The following PAH variants were observed in gnomAD, a reference collection of about 807,000 sequenced individuals.
PAH encodes the protein phenylalanine-4-hydroxylase.
Under a neutral mutation model 62.0 loss-of-function variants are expected in PAH, and 64 were observed. The observed-to-expected ratio is 1.03, with a 90% CI of 0.84 to 1.27. PAH has a LOEUF of 1.27. Among genes scored for constraint, PAH ranks in the 50% most tolerant of loss-of-function variants. The pLI, the probability that PAH is intolerant of heterozygous loss-of-function variation, is 0.00. For missense variants in PAH, 579 were observed against 542.8 expected (o/e 1.07, Z -0.66); for synonymous variants, 195 against 196.2 (o/e 0.99, Z 0.05).
chr12:102,942,175 G>T (rs1250584791), intron 1 of PAH, among the ~76,000 whole-genome samples: 1 of 152,062 alleles, frequency 6.6e-6, no homozygotes, highest in East Asian at 1.9e-4. Context: ...AAACCCCATT[G>T]TGTCTGCTCT....
chr12:102,954,395 A>AG (rs1181804571), upstream of PAH, among the ~76,000 whole-genome samples: 4 of 152,202 alleles, frequency 2.6e-5, no homozygotes, highest in Non-Finnish European at 4.4e-5. Flanking sequence ...CTCCTGCCAC[A>AG]CACCCTTTCC....
intron 1 of PAH, among the ~76,000 whole-genome samples, chr12:102,947,426 T>G (rs1046519867): frequency 6.6e-6 from 1 of 152,208 alleles, no homozygotes; most frequent in African/African-American, 2.4e-5. Flanking sequence ...GTAGCAATGT[T>G]GGTCACACCA....
chr12:102,838,779 C>T lies in PAH; in HGVS notation c.*396G>A. On this transcript the variant is annotated 3_prime_UTR_variant, in exon 13 of 13. Transcript: ENST00000553106. ...ACGATTTATATTAAGCCCAATAATT[C>T]AATTCTAATGACAGTCTTGTGTTTT... is the stretch of plus-strand genomic sequence containing the variant. 1 of 180,120 alleles carries T rather than the reference C, an allele frequency of 5.6e-6. No individual in the cohort carries two copies. Among genetic ancestry groups the T allele is most frequent in the Non-Finnish European group, 1.2e-5 (1 of 85,332 alleles). 11.2% of individuals were successfully genotyped at this position (180,120 alleles called of 1,614,324 possible).
chr12:102,861,979 A>G (rs1367037835), intron 5 of PAH, among the ~76,000 whole-genome samples: 2 of 151,846 alleles, frequency 1.3e-5, no homozygotes, highest in East Asian at 1.9e-4. Flanking sequence ...AAAAAAAAAA[A>G]AAAGAAAGAC....
rs1879949591 is a variant in PAH at position 102,957,424 on chromosome 12, C to G, written c.-96+771G>C. ...AGCCGGGAGTCCGGCACGCGCCAGG[C>G]GCACGCACTGCAACAACAAACCCAG... is the stretch of plus-strand genomic sequence containing the variant. On this transcript the variant is annotated intron_variant, in intron 1 of 4. Transcript: ENST00000551337. This position sits in a 1 kb window ranked among gnomAD's most constrained non-coding sequence, Gnocchi z 4.1. 6.6e-6 allele frequency among the ~76,000 whole-genome samples: 1 copy of G among 151,976 alleles called. No individual in the cohort carries two copies. The highest frequency in any genetic ancestry group is 6.5e-5 in the Admixed American group (1 of 15,272).
At chr12:102,952,135 C>T (rs1185858210), upstream of PAH, among the ~76,000 whole-genome samples, 1 of 152,188 alleles carries the variant, frequency 6.6e-6, no homozygotes, top group Non-Finnish European at 1.5e-5. Flanking sequence ...AACACTCTGA[C>T]AAGGCATGGA....
At position 102,917,083 on chromosome 12, in the gene PAH, A is replaced by T; in HGVS notation, c.48T>A (p.Ser16=). 2 of 1,614,176 alleles carry T rather than the reference A, an allele frequency of 1.2e-6. No individual in the cohort carries two copies. Among genetic ancestry groups the T allele is most frequent in the Non-Finnish European group, 1.7e-6 (2 of 1,179,992 alleles). ...TGCCGTGGCTCACCTGTCCAAAGTC[A>T]GAGAGTTTCCTGCCCAAGCCTGGGT... The part of the protein sequence containing the change: ...LENPGLGRKL[S]DFGQETSYIE... Residue 16 remains serine (S), a synonymous_variant, in exon 1 of 13, where the codon TCT becomes TCA. Transcript: ENST00000553106.
intron 1 of PAH, among the ~76,000 whole-genome samples, chr12:102,948,163 C>CT (rs1439311159): frequency 3.3e-5 from 5 of 152,098 alleles, no homozygotes; most frequent in Non-Finnish European, 7.4e-5. Context: ...GTGTATCAGC[C>CT]TTTTTTTTAG....
chr12:102,868,936 T>G (rs1876185729), intron 4 of PAH, among the ~76,000 whole-genome samples: 1 of 152,224 alleles, frequency 6.6e-6, no homozygotes, highest in Non-Finnish European at 1.5e-5. Context: ...GTAAGGCACC[T>G]TGTAGAAAGG....
intron 1 of PAH, among the ~76,000 whole-genome samples, chr12:102,925,672 A>G (rs542963278): frequency 6.6e-6 from 1 of 152,126 alleles, no homozygotes; most frequent in Non-Finnish European, 1.5e-5. Flanking sequence ...TTTCAATGGC[A>G]TCCTTCGTTT....
chr12:102,845,466 T>C (rs545464281), intron 9 of PAH, among the ~76,000 whole-genome samples: 1 of 152,282 alleles, frequency 6.6e-6, no homozygotes, highest in African/African-American at 2.4e-5. Context: ...ATGCTAAAAC[T>C]TGGGGATGTT....
intron 4 of PAH, among the ~76,000 whole-genome samples, chr12:102,870,442 G>A (rs550809211): frequency 3.0e-4 from 45 of 152,294 alleles, no homozygotes; most frequent in African/African-American, 1.0e-3. Flanking sequence ...GTGTTGTACA[G>A]TTTAAGTCAG....
At chr12:102,866,760 T>A in intron 4 of PAH, 97 bp from the exon 5 acceptor site, 1 of 962,636 alleles carries the variant, frequency 1.0e-6, no homozygotes, top group Non-Finnish European at 1.7e-6. Context: ...GCCATGACAG[T>A]GCATGTCTCC....
intron 1 of PAH, among the ~76,000 whole-genome samples, chr12:102,947,791 A>G (rs779575593): frequency 2.6e-5 from 4 of 152,222 alleles, no homozygotes; most frequent in Admixed American, 6.5e-5. Context: ...ATGTAGATGG[A>G]CATGTATTTC....
At chr12:102,947,516 G>A (rs2136771108) in intron 1 of PAH, among the ~76,000 whole-genome samples, 1 of 152,158 alleles carries the variant, frequency 6.6e-6, no homozygotes, top group African/African-American at 2.4e-5. Context: ...AAACTCTAAG[G>A]GCAGCATATG....
chr12:102,901,928 G>A (rs1877776802), intron 2 of PAH, among the ~76,000 whole-genome samples: 1 of 152,164 alleles, frequency 6.6e-6, no homozygotes, highest in South Asian at 2.1e-4. Flanking sequence ...CTGCCCTTGT[G>A]GAGCTTTATG....
chr12:102,868,405 C>T (rs1386309025), intron 4 of PAH, among the ~76,000 whole-genome samples: 1 of 151,616 alleles, frequency 6.6e-6, no homozygotes, highest in Non-Finnish European at 1.5e-5. Flanking sequence ...AAATGTTTCA[C>T]ACTTGAAAAG....
intron 5 of PAH, among the ~76,000 whole-genome samples, chr12:102,861,224 GA>G (rs1448141761): frequency 2.0e-5 from 3 of 152,176 alleles, no homozygotes; most frequent in Non-Finnish European, 2.9e-5. Context: ...ACAGACACAT[GA>G]AAAAATGCTC....
chr12:102,938,015 G>A (rs547215935), intron 1 of PAH, among the ~76,000 whole-genome samples: 2 of 152,292 alleles, frequency 1.3e-5, no homozygotes, highest in South Asian at 2.1e-4. Flanking sequence ...ACTGTGCACC[G>A]CTCTCATGGA....
Sources: gnomAD v4.1 joint callset for allele counts (sites outside exome capture counted in the v4.1 genomes callset) on GRCh38, gnomAD v4.1.1 for gene constraint, Gnocchi (gnomAD v3.1) non-coding constraint, MANE v1.5 for transcripts, NCBI Gene and HGNC (gene_info 2026-07-23, HGNC 2026-07-21) for gene names.